Variants in SNPH observed in about 807,000 individuals in gnomAD.
SNPH encodes the protein syntaphilin.
In SNPH, 10 loss-of-function variants were observed where a neutral mutation model predicts 36.8. The observed-to-expected ratio is 0.27, with a 90% CI of 0.17 to 0.46. The LOEUF is 0.46. Among genes scored for constraint, SNPH ranks in the 20% least tolerant of loss-of-function variants. The pLI, the probability that SNPH is intolerant of heterozygous loss-of-function variation, is 1.00. For synonymous variants in SNPH, 281 were observed against 312.2 expected, an observed-to-expected ratio of 0.90 and a Z score of 1.05; for missense variants, 622 against 744.0, an observed-to-expected ratio of 0.84 and a Z score of 1.91.
chr20:1,302,650 T>C (rs2088517149), intron 6 of SNPH, among the ~76,000 whole-genome samples: 1 of 152,238 alleles, frequency 6.6e-6, no homozygotes. Context: ...CCAACCACCA[T>C]AGTCCCTGGC....
In SNPH at chr20:1,296,349, C is replaced by A. The variant is rs374099562; in HGVS notation, c.110C>A (p.Pro37His). Residue 37 changes from proline to histidine, a missense_variant, in exon 4 of 7, where the codon CCC becomes CAC. Coordinates refer to ENST00000381867, the MANE Select transcript of SNPH (RefSeq NM_001318234.2). ...GCCCCCGGGATACCGCCCATCCCAC[C>A]CCTTACTCGGACCCACAGCCTCATG... ...SSAPGIPPIPPLTRTHSLMAM... is the reference protein window; with the variant it reads ...SSAPGIPPIPHLTRTHSLMAM... 69 of 1,600,858 alleles carry A rather than the reference C, an allele frequency of 4.3e-5. No homozygotes were observed. The highest frequency in any genetic ancestry group is 5.5e-5 in the Non-Finnish European group (65 of 1,174,446).
At chr20:1,286,807 C>T (rs772444948) in intron 2 of SNPH, among the ~76,000 whole-genome samples, 61 of 152,262 alleles carry the variant, frequency 4.0e-4, no homozygotes, top group Middle Eastern at 3.4e-3. Flanking sequence ...TTACCAGGAA[C>T]GAGGAAGCTC....
chr20:1,269,505 GT>G (rs2088047964), intron 2 of SNPH, among the ~76,000 whole-genome samples: 3 of 152,194 alleles, frequency 2.0e-5, no homozygotes, highest in Admixed American at 2.0e-4. Context: ...CCTTCCAAAG[GT>G]TTCGCTGCCT....
At chr20:1,298,621 A>G (rs1488046599) in intron 5 of SNPH, among the ~76,000 whole-genome samples, 2 of 152,198 alleles carry the variant, frequency 1.3e-5, no homozygotes, top group Non-Finnish European at 2.9e-5. Flanking sequence ...ACTGCAGCCC[A>G]TGGAGGTGAT....
chr20:1,284,554 G>A (rs1204573881), intron 2 of SNPH, among the ~76,000 whole-genome samples: 6 of 152,342 alleles, frequency 3.9e-5, no homozygotes, highest in African/African-American at 1.2e-4. Context: ...GAGTGCTGTA[G>A]GAGGAGGGGT....
At chr20:1,277,813 GCCTGTGTGTC>G (rs2088160716) in intron 2 of SNPH, among the ~76,000 whole-genome samples, 1 of 141,656 alleles carries the variant, frequency 7.1e-6, no homozygotes, top group Non-Finnish European at 1.6e-5. Flanking sequence ...GTGTGTCTGT[GCCTGTGTGTC>G]TGTGTATCTG....
At position 1,304,953 on chromosome 20, in the gene SNPH, C is replaced by T. The variant is rs147752801; in HGVS notation, c.516C>T (p.Arg172=). ...QEDWIEEECH[R]VEAQLALKEA... is the part of the protein sequence containing the mutation. ...ACTGGATTGAGGAGGAGTGCCACCG[C>T]GTGGAGGCCCAGCTGGCCCTGAAGG... Residue 172 remains arginine (R), a synonymous_variant, in exon 7 of 7, where the codon CGC becomes CGT. Coordinates refer to ENST00000381867, the MANE Select transcript of SNPH (RefSeq NM_001318234.2). This position sits in a 1 kb window ranked among gnomAD's most constrained non-coding sequence, Gnocchi z 4.3. The T allele has an allele frequency of 6.1e-5, 98 of 1,613,796 alleles. No individual in the cohort carries two copies. In the Admixed American group the frequency reaches 1.2e-3, roughly 19 times the overall value.
At chr20:1,267,609 T>C (rs370531377) in intron 2 of SNPH, among the ~76,000 whole-genome samples, 2 of 152,232 alleles carry the variant, frequency 1.3e-5, no homozygotes, top group East Asian at 1.9e-4. Flanking sequence ...TCTGCTCATC[T>C]GTTAGATGCA....
intron 3 of SNPH, among the ~76,000 whole-genome samples, chr20:1,295,355 G>A (rs12481700): frequency 0.17 from 26,610 of 152,120 alleles, 2,916 homozygotes; most frequent in East Asian, 0.49. Flanking sequence ...CTAAGGACTC[G>A]GGGGCAGGAA....
Position 1,305,471 on chromosome 20 carries a change from A to C in SNPH, c.1034A>C (p.Glu345Ala). 6.2e-7 allele frequency: 1 copy of C among 1,613,238 alleles called. No homozygotes were observed. The highest frequency in any genetic ancestry group is 8.5e-7 in the Non-Finnish European group (1 of 1,180,034). Reference protein sequence around the residue: ...NTYEKLLCGMEAGVQASCMQE... With the variant: ...NTYEKLLCGMAAGVQASCMQE... ...TATGAGAAGCTGCTGTGTGGCATGG[A>C]GGCTGGTGTGCAGGCCAGCTGCATG... is the stretch of plus-strand genomic sequence containing the variant. The change falls in exon 7 of 7, where the codon GAG becomes GCG. Residue 345 changes from glutamate (E) to alanine (A), a missense_variant. By Grantham distance (107) the Glu-to-Ala change is moderately radical (BLOSUM62 -1). Around this residue, in one of 3 missense-constraint regions of SNPH, gnomAD observed 379 missense variants for 427.9 expected, o/e 0.89. Transcript: ENST00000381867.
chr20:1,304,985 G>A lies in SNPH; in HGVS notation c.548G>A (p.Arg183Gln), dbSNP rs1393468098. Reference sequence around the variant, plus strand: ...GCCCAGCTGGCCCTGAAGGAGGCCCGAAAGGAGATCAAGCAGCTCAAGCAG... The same window carrying A: ...GCCCAGCTGGCCCTGAAGGAGGCCCAAAAGGAGATCAAGCAGCTCAAGCAG... Reference protein sequence around the residue: ...VEAQLALKEARKEIKQLKQVI... With the variant: ...VEAQLALKEAQKEIKQLKQVI... The change falls in exon 7 of 7, where the codon CGA (arginine) becomes CAA (glutamine). Residue 183 changes from arginine (R) to glutamine (Q), a missense_variant. Physicochemically the swap from Arg to Gln is conservative, Grantham distance 43 (BLOSUM62 1). Around this residue, in one of 3 missense-constraint regions of SNPH, gnomAD observed 56 missense variants for 106.6 expected, o/e 0.53. Coordinates refer to ENST00000381867, the MANE Select transcript of SNPH (RefSeq NM_001318234.2). This position sits in a 1 kb window ranked among gnomAD's most constrained non-coding sequence, Gnocchi z 4.3. The A allele has an allele frequency of 3.7e-6, 6 of 1,614,016 alleles. No homozygotes were observed. The highest frequency in any genetic ancestry group is 2.2e-5 in the South Asian group (2 of 91,082).
chr20:1,296,975 A>C, intron 4 of SNPH, 170 bp from the exon 5 acceptor site: 1 of 849,760 alleles, frequency 1.2e-6, no homozygotes, highest in Non-Finnish European at 1.4e-6. Context: ...CTTGATTTGC[A>C]CTGTCTGTTC....
intron 2 of SNPH, among the ~76,000 whole-genome samples, chr20:1,293,069 G>A (rs1257891772): frequency 3.9e-5 from 6 of 152,220 alleles, no homozygotes; most frequent in Non-Finnish European, 8.8e-5. Flanking sequence ...CATATGAGGT[G>A]CATTCATTAG....
chr20:1,280,600 G>C (rs2088205302), intron 2 of SNPH, among the ~76,000 whole-genome samples: 1 of 152,196 alleles, frequency 6.6e-6, no homozygotes, highest in Non-Finnish European at 1.5e-5. Context: ...CAGAGGTCAA[G>C]AGAGGTATGC....
At position 1,298,853 on chromosome 20, in the gene SNPH, T is replaced by TA. The variant is rs1402427996; in HGVS notation, c.290+1601_290+1602insA. On this transcript the variant is annotated intron_variant, in intron 5 of 6. Transcript: ENST00000381867. Reference sequence around the variant, plus strand: ...GTGTGTGTGTGTGTGTGTATACATATTTTTTTTTTTACAAAGAGCTAGTGA... The same window carrying TA: ...GTGTGTGTGTGTGTGTGTATACATATATTTTTTTTTTACAAAGAGCTAGTGA... Among the ~76,000 whole-genome samples, 147 of 99,218 alleles carry TA rather than the reference T, an allele frequency of 1.5e-3. 3 individuals carry two copies. Among genetic ancestry groups the TA allele is most frequent in the African/African-American group, 6.5e-3 (142 of 21,780 alleles). 65.1% of individuals were successfully genotyped at this position (99,218 alleles called of 152,430 possible). A position where few individuals can be genotyped will look rare whatever the true frequency, so the allele number is the denominator to read the frequency against.
In SNPH at chr20:1,305,741, A is replaced by G; in HGVS notation, c.1304A>G (p.Asn435Ser). The G allele has an allele frequency of 1.2e-6, 2 of 1,611,438 alleles. No individual in the cohort carries two copies. The highest frequency in any genetic ancestry group is 1.7e-6 in the Non-Finnish European group (2 of 1,179,164). Residue 435 changes from asparagine to serine, a missense_variant, in exon 7 of 7, where the codon AAC (asparagine) becomes AGC (serine). Transcript: ENST00000381867. ...RGPTPQRPGA[N>S]PNPGQSVSVV... ...CCCACCCCACAGCGGCCTGGTGCCA[A>G]CCCCAACCCTGGCCAGTCGGTGAGC...
Position 1,266,713 on chromosome 20 carries a change from GC to G in SNPH, c.-538del, listed in dbSNP as rs544257662. ...CTGCAGAGGCGCTGCGCCAAGCCGG[GC>G]CGGAGTGGTGCGAGCCGGCGGGGCT... is the stretch of plus-strand genomic sequence containing the variant. On this transcript the variant is annotated 5_prime_UTR_variant, in exon 2 of 7. Transcript: ENST00000381867. This position sits in a 1 kb window ranked among gnomAD's most constrained non-coding sequence, Gnocchi z 6.0. 1,864 of 1,427,510 alleles carry G rather than the reference GC, an allele frequency of 1.3e-3. 12 individuals are homozygous for G. In the African/African-American group the frequency reaches 0.02, roughly 15 times the overall value. 88.4% of individuals were successfully genotyped at this position (1,427,510 alleles called of 1,614,324 possible).
In SNPH at chr20:1,308,103, CCTGT is replaced by C. The variant is rs2088605360; in HGVS notation, c.*2054_*2057del. 6.5e-6 allele frequency: 1 copy of C among 152,776 alleles called. No individual in the cohort carries two copies. The highest frequency in any genetic ancestry group is 1.5e-5 in the Non-Finnish European group (1 of 68,240). 9.5% of individuals were successfully genotyped at this position (152,776 alleles called of 1,614,324 possible). ...TAGTCAAGCTTCAGGCCCCTCTGCT[CCTGT>C]CTGTGTCTTGCGTCTGTGGCCTTCC... On this transcript the variant is annotated 3_prime_UTR_variant, in exon 7 of 7. Coordinates refer to ENST00000381867, the MANE Select transcript of SNPH (RefSeq NM_001318234.2).
Position 1,305,223 on chromosome 20 carries a change from G to A in SNPH, c.786G>A (p.Leu262=). ...CCCGCAGCTCCACCTACACCAAGCTGAGTGACCCGGCTGTCTGTGGTGACC... is the reference window on the plus strand; with the variant it reads ...CCCGCAGCTCCACCTACACCAAGCTAAGTGACCCGGCTGTCTGTGGTGACC... The part of the protein sequence containing the change: ...SLTRSSTYTK[L]SDPAVCGDRQ... The change falls in exon 7 of 7, where the codon CTG becomes CTA. Residue 262 remains leucine, a synonymous_variant. Transcript: ENST00000381867. The A allele has an allele frequency of 6.2e-7, 1 of 1,611,554 alleles. No homozygotes were observed. Among genetic ancestry groups the A allele is most frequent in the Non-Finnish European group, 8.5e-7 (1 of 1,179,716 alleles).
Sources: allele counts gnomAD v4.1 joint callset (sites outside exome capture counted in the v4.1 genomes callset), GRCh38; gene constraint gnomAD v4.1.1; regional missense constraint gnomAD v4.1.1; non-coding constraint Gnocchi (gnomAD v3.1); transcripts MANE v1.5; gene names NCBI Gene and HGNC (gene_info 2026-07-23, HGNC 2026-07-21).